The following DNAH10 variants were observed in gnomAD, a reference collection of about 807,000 sequenced individuals.
The protein encoded by DNAH10 is dynein axonemal heavy chain 10, also known as axonemal beta dynein heavy chain 10.
A neutral mutation model predicts 506.6 loss-of-function variants in DNAH10; 348 were observed. That is an observed-to-expected ratio of 0.69 (90% CI 0.63 to 0.75). The LOEUF is 0.75. Ranked by LOEUF, DNAH10 falls within the 30% of genes least tolerant of loss-of-function variation. DNAH10 has a pLI of 0.00. For missense variants in DNAH10, 5,179 were observed against 5,787.1 expected, an observed-to-expected ratio of 0.89 and a Z score of 3.41; for synonymous variants, 2,059 against 2,198.6, an observed-to-expected ratio of 0.94 and a Z score of 1.78.
intron 64 of DNAH10, among the ~76,000 whole-genome samples, chr12:123,918,402 G>A (rs1371544897): frequency 2.6e-5 from 4 of 152,218 alleles, no homozygotes; most frequent in East Asian, 3.8e-4. Flanking sequence ...TCCTGGAGTC[G>A]GGGTGGAACC....
rs996064720 is a variant in DNAH10, at chr12:123,796,673, A to C, written c.2004A>C (p.Lys668Asn). The change falls in exon 13 of 79, where the codon AAA becomes AAC. Residue 668 changes from lysine (K) to asparagine (N), a missense_variant. This residue lies in a region of DNAH10 where 4,844 missense variants were observed against 5,430.5 expected (regional missense o/e 0.89). Transcript: ENST00000673944. ...QYCKEIDIIN[K>N]IFVQNLENPP... ...CTTTTCAGATTGACATCATTAATAA[A>C]ATCTTTGTCCAGAACCTTGAAAATC... 19 of 1,606,870 alleles carry C rather than the reference A, an allele frequency of 1.2e-5. No homozygotes were observed. Among genetic ancestry groups the C allele is most frequent in the Middle Eastern group, 1.7e-4 (1 of 6,056 alleles).
chr12:123,915,086 C>G (rs1331689797), intron 62 of DNAH10, 87 bp downstream of exon 62: 34 of 1,451,842 alleles, frequency 2.3e-5, no homozygotes, highest in Non-Finnish European at 2.1e-5. Flanking sequence ...GTGGCAGTCC[C>G]TAGCCTCAGC....
rs374908451 is a variant in DNAH10, at chr12:123,917,597, C to T, written c.11016C>T (p.Gly3672=). Residue 3672 remains glycine, a synonymous_variant, in exon 64 of 79, where the codon GGC becomes GGT. Coordinates refer to ENST00000673944, the MANE Select transcript of DNAH10 (RefSeq NM_001372106.1). The surrounding 1 kb of genome is among the most constrained non-coding windows in gnomAD (Gnocchi z 5.6). ...TGTCCCCCACAGTCACGCTGAAGGG[C>T]CTGGAGGACCAGCTGCTGAGCGTGC... is the stretch of plus-strand genomic sequence containing the variant. The part of the protein sequence containing the change: ...MVINYTVTLK[G]LEDQLLSVLV... 79 of 1,551,338 alleles carry T rather than the reference C, an allele frequency of 5.1e-5. 1 individual carries two copies. The highest frequency in any genetic ancestry group is 4.4e-4 in the East Asian group (18 of 40,922).
At chr12:123,796,606 C>T in intron 12 of DNAH10, 50 bp from the exon 13 acceptor site, 1 of 1,502,240 alleles carries the variant, frequency 6.7e-7, no homozygotes, top group Non-Finnish European at 9.0e-7. Flanking sequence ...TCTTTCTTGG[C>T]TAACCTGGCG....
rs1228241227 is a variant in DNAH10, at chr12:123,907,063, G to T, written c.9816-2198G>T. ...CCTGAGCAGGCACTGGGGCCCATCAGCAGTGAGGCAGGCAGGGTCTTCACT... is the reference window on the plus strand; with the variant it reads ...CCTGAGCAGGCACTGGGGCCCATCATCAGTGAGGCAGGCAGGGTCTTCACT... On this transcript the variant is annotated intron_variant, in intron 57 of 78. Transcript: ENST00000673944. The surrounding 1 kb of genome is among the most constrained non-coding windows in gnomAD (Gnocchi z 4.4). 6.6e-6 allele frequency among the ~76,000 whole-genome samples: 1 copy of T among 152,266 alleles called. No homozygotes were observed. Among genetic ancestry groups the T allele is most frequent in the Non-Finnish European group, 1.5e-5 (1 of 68,050 alleles).
At chr12:123,857,542 A>G (rs1037921336) in intron 37 of DNAH10, among the ~76,000 whole-genome samples, 2 of 152,170 alleles carry the variant, frequency 1.3e-5, no homozygotes, top group Non-Finnish European at 2.9e-5. Context: ...ATCCTGGCCA[A>G]CGTGGAGAAA....
At chr12:123,879,150 A>T (rs998583359) in intron 48 of DNAH10, 114 bp from the exon 49 acceptor site, 3 of 805,682 alleles carry the variant, frequency 3.7e-6, no homozygotes, top group African/African-American at 3.7e-5. Flanking sequence ...ACGACTGGAG[A>T]AATGTTGGGC....
chr12:123,776,566 G>A (rs1323926862), intron 5 of DNAH10, among the ~76,000 whole-genome samples: 1 of 151,830 alleles, frequency 6.6e-6, no homozygotes, highest in Non-Finnish European at 1.5e-5. Context: ...CATTCTAGAC[G>A]GGAAGGTTGC....
Position 123,924,369 on chromosome 12 carries a change from G to A in DNAH10, c.11703G>A (p.Met3901Ile), listed in dbSNP as rs893385508. ...GWEDIILLSE[M>I]FSDNFGQLPD... ...AAGATATCATTCTTTTATCAGAAAT[G>A]TTTTCAGACAACTTTGGGCAACTTC... Residue 3901 changes from methionine to isoleucine, a missense_variant, in exon 67 of 79, where the codon ATG becomes ATA. By Grantham distance (10) the Met-to-Ile change is conservative. Around this residue, in one of 3 missense-constraint regions of DNAH10, gnomAD observed 4,844 missense variants for 5,430.5 expected, o/e 0.89. Transcript: ENST00000673944. 15 of 1,613,792 alleles carry A rather than the reference G, an allele frequency of 9.3e-6. No individual in the cohort carries two copies. In the East Asian group the frequency reaches 2.9e-4, roughly 31 times the overall value.
At chr12:123,929,635 T>C in intron 71 of DNAH10, 29 bp from the exon 72 acceptor site, 1 of 1,602,204 alleles carries the variant, frequency 6.2e-7, no homozygotes, top group Non-Finnish European at 8.5e-7. Flanking sequence ...TGGGTTTCAG[T>C]ATAACTGAGC....
intron 24 of DNAH10, among the ~76,000 whole-genome samples, chr12:123,823,563 G>A (rs1453293327): frequency 6.6e-6 from 1 of 152,146 alleles, no homozygotes; most frequent in Admixed American, 6.5e-5. Context: ...AAAAGGAAAG[G>A]TATCATGAGA....
chr12:123,782,965 A>C lies in DNAH10; in HGVS notation c.842-142A>C, dbSNP rs182058184. ...ATTCTAATGAAAGAGAATGAGATAC[A>C]GATATTATCAGGACAGGGGATGCGT... On this transcript the variant is annotated intron_variant, in intron 6 of 78. Coordinates refer to ENST00000673944, the MANE Select transcript of DNAH10 (RefSeq NM_001372106.1). The C allele has an allele frequency of 5.1e-5, 32 of 624,132 alleles. No individual in the cohort carries two copies. The East Asian group carries it at 8.8e-4, about 17-fold the overall frequency. The allele number at this position is 624,132 out of a possible 1,614,324, so 38.7% of individuals were successfully genotyped here.
intron 23 of DNAH10, among the ~76,000 whole-genome samples, chr12:123,819,641 C>G (rs1959209586): frequency 6.6e-6 from 1 of 151,900 alleles, no homozygotes; most frequent in Non-Finnish European, 1.5e-5. Context: ...AGATGCTTGT[C>G]CTCTGCCCTT....
chr12:123,779,329 C>G (rs1406288651), intron 5 of DNAH10, among the ~76,000 whole-genome samples: 1 of 152,098 alleles, frequency 6.6e-6, no homozygotes, highest in African/African-American at 2.4e-5. Flanking sequence ...CATAAGCTAC[C>G]ATGCCCAGCT....
Position 123,813,299 on chromosome 12 carries a change from C to A in DNAH10, c.3280C>A (p.Pro1094Thr). Residue 1094 changes from proline (P) to threonine (T), a missense_variant, in exon 20 of 79, where the codon CCC (proline) becomes ACC (threonine). By Grantham distance (38) the Pro-to-Thr change is conservative. Coordinates refer to ENST00000673944, the MANE Select transcript of DNAH10 (RefSeq NM_001372106.1). ...PQIIEQAVMI[P>T]QNVHRILINL... ...GATAATTGAACAAGCTGTTATGATCCCCCAAAATGTCCACAGGATTCTGAT... is the reference window on the plus strand; with the variant it reads ...GATAATTGAACAAGCTGTTATGATCACCCAAAATGTCCACAGGATTCTGAT... The A allele has an allele frequency of 6.2e-7, 1 of 1,614,062 alleles. No homozygotes were observed. Among genetic ancestry groups the A allele is most frequent in the South Asian group, 1.1e-5 (1 of 91,072 alleles).
chr12:123,820,565 G>A lies in DNAH10; in HGVS notation c.4001-15G>A. 6.2e-7 allele frequency: 1 copy of A among 1,610,886 alleles called. No homozygotes were observed. Among genetic ancestry groups the A allele is most frequent in the South Asian group, 1.1e-5 (1 of 90,902 alleles). ...AAATTGTATTTATTCACTCATCGGT[G>A]TATTTATTTACTAGGAGTAGAGCTT... is the stretch of plus-strand genomic sequence containing the variant. On this transcript the variant is annotated splice_polypyrimidine_tract_variant and intron_variant, in intron 23 of 78. Coordinates refer to ENST00000673944, the MANE Select transcript of DNAH10 (RefSeq NM_001372106.1).
At chr12:123,874,127 G>A (rs1952144486) in intron 46 of DNAH10, among the ~76,000 whole-genome samples, 1 of 152,138 alleles carries the variant, frequency 6.6e-6, no homozygotes, top group Admixed American at 6.5e-5. Context: ...TGCATTATGA[G>A]TATGTTTCTG....
In DNAH10 at chr12:123,787,338, TATAG is replaced by T. The variant is rs996657810; in HGVS notation, c.1422-458_1422-455del. 2.0e-5 allele frequency among the ~76,000 whole-genome samples: 3 copies of T among 152,204 alleles called. No homozygotes were observed. The highest frequency in any genetic ancestry group is 4.8e-5 in the African/African-American group (2 of 41,470). On this transcript the variant is annotated intron_variant, in intron 9 of 78. Coordinates refer to ENST00000673944, the MANE Select transcript of DNAH10 (RefSeq NM_001372106.1). This position sits in a 1 kb window ranked among gnomAD's most constrained non-coding sequence, Gnocchi z 4.6. The stretch of plus-strand genomic sequence containing the variant: ...AGACACTATATGACTTTTTGTTATC[TATAG>T]ATAGATATCTATATCTATATGTATC...
At chr12:123,795,102 C>T (rs368564527) in intron 12 of DNAH10, among the ~76,000 whole-genome samples, 1 of 141,926 alleles carries the variant, frequency 7.0e-6, no homozygotes, top group Non-Finnish European at 1.5e-5. Context: ...GAGCTGAGAT[C>T]GCGCGATTGC....
Sources: allele counts gnomAD v4.1 joint callset (sites outside exome capture counted in the v4.1 genomes callset), GRCh38; gene constraint gnomAD v4.1.1; regional missense constraint gnomAD v4.1.1; non-coding constraint Gnocchi (gnomAD v3.1); transcripts MANE v1.5; gene names NCBI Gene and HGNC (gene_info 2026-07-23, HGNC 2026-07-21).